The following SYNE2 variants were observed in gnomAD, a reference collection of about 807,000 sequenced individuals.
SYNE2 encodes the protein nesprin-2.
Under a neutral mutation model 856.3 loss-of-function variants are expected in SYNE2, and 431 were observed. The ratio of observed to expected loss-of-function variants is 0.50; its 90% CI spans 0.47 to 0.55. The LOEUF (loss-of-function observed/expected upper bound fraction) is 0.55. Ranked by LOEUF, SYNE2 falls within the 20% of genes least tolerant of loss-of-function variation. The pLI is 0.00. For missense variants in SYNE2, 8,129 were observed against 8,023.2 expected (o/e 1.01, Z -0.50); for synonymous variants, 2,923 against 2,872.3 (o/e 1.02, Z -0.56).
In SYNE2 at chr14:63,941,709, A is replaced by G. The variant is rs1476136075; in HGVS notation, c.156A>G (p.Ser52=). ...ACCTTCTGCAGCACACTTCTCCCTC[A>G]GTTATATCCGACCTATTCACAGACA... is the stretch of plus-strand genomic sequence containing the variant. ...NSQLARHTSP[S]VISDLFTDIK... The change falls in exon 4 of 116, where the codon TCA becomes TCG. Residue 52 remains serine, a synonymous_variant. Coordinates refer to ENST00000555002, the MANE Select transcript of SYNE2 (RefSeq NM_182914.3). 3 of 1,614,048 alleles carry G rather than the reference A, an allele frequency of 1.9e-6. No homozygotes were observed. The highest frequency in any genetic ancestry group is 2.5e-6 in the Non-Finnish European group (3 of 1,179,930).
chr14:64,186,364 T>A, intron 96 of SYNE2, 60 bp from the exon 97 acceptor site: 1 of 1,607,870 alleles, frequency 6.2e-7, no homozygotes, highest in Non-Finnish European at 8.5e-7. Context: ...GCCTACAGGT[T>A]TGGAAACAAC....
At position 64,218,202 on chromosome 14, in the gene SYNE2, G is replaced by A. The variant is rs2098676013; in HGVS notation, c.19543-196G>A. The A allele has an allele frequency of 5.3e-6, 3 of 568,110 alleles. No homozygotes were observed. In the South Asian group the frequency reaches 5.6e-5, roughly 11 times the overall value. 35.2% of individuals were successfully genotyped at this position (568,110 alleles called of 1,614,324 possible). ...TCCCTCTCCCTGGGCCTTAGCTGAG[G>A]CTTTATTTCTGCCATCAGCTTTGCC... On this transcript the variant is annotated intron_variant, in intron 108 of 115. Transcript: ENST00000555002.
chr14:64,035,451 A>C (rs966569804), intron 45 of SYNE2, among the ~76,000 whole-genome samples: 5 of 150,996 alleles, frequency 3.3e-5, no homozygotes, highest in African/African-American at 9.7e-5. Flanking sequence ...CTTGCATCTT[A>C]CTGTAGAGGT....
chr14:63,863,229 T>A (rs1188634005), intron 1 of SYNE2, among the ~76,000 whole-genome samples: 1 of 152,240 alleles, frequency 6.6e-6, no homozygotes, highest in Non-Finnish European at 1.5e-5. Flanking sequence ...TCCGTTCGTC[T>A]TAGTCAATGT....
intron 45 of SYNE2, among the ~76,000 whole-genome samples, chr14:64,046,580 T>A (rs1267400165): frequency 6.6e-6 from 1 of 152,186 alleles, no homozygotes; most frequent in African/African-American, 2.4e-5. Context: ...CTCCTTGAAC[T>A]TCTGGGATCA....
chr14:63,869,352 A>G (rs188269199), intron 1 of SYNE2, among the ~76,000 whole-genome samples: 1 of 152,132 alleles, frequency 6.6e-6, no homozygotes, highest in African/African-American at 2.4e-5. Flanking sequence ...CCAGCCAGGC[A>G]TGGTGGCTCA....
chr14:63,980,968 G>C lies in SYNE2; in HGVS notation c.1649-18G>C. On this transcript the variant is annotated intron_variant, in intron 15 of 115. Coordinates refer to ENST00000555002, the MANE Select transcript of SYNE2 (RefSeq NM_182914.3). Reference sequence around the variant, plus strand: ...AATTGTTTTCTAAGATTACTTTTTTGTTTTGTTAATATTGTAGCTGGAGAA... The same window carrying C: ...AATTGTTTTCTAAGATTACTTTTTTCTTTTGTTAATATTGTAGCTGGAGAA... The C allele has an allele frequency of 6.7e-7, 1 of 1,501,008 alleles. No individual in the cohort carries two copies. Among genetic ancestry groups the C allele is most frequent in the Non-Finnish European group, 9.1e-7 (1 of 1,094,160 alleles). 93.0% of individuals were successfully genotyped at this position (1,501,008 alleles called of 1,614,324 possible).
At chr14:64,179,764 A>G (rs187284392) in intron 96 of SYNE2, among the ~76,000 whole-genome samples, 76 of 152,076 alleles carry the variant, frequency 5.0e-4, no homozygotes, top group Non-Finnish European at 6.8e-4. Context: ...GGAGCTGCTT[A>G]TTTATTCTAA....
chr14:63,878,400 G>T (rs1323381071), intron 1 of SYNE2, among the ~76,000 whole-genome samples: 9 of 152,304 alleles, frequency 5.9e-5, no homozygotes, highest in African/African-American at 1.7e-4. Flanking sequence ...GGGAGGATTG[G>T]TTGATTGTCT....
chr14:64,114,712 G>A (rs2097841489), intron 66 of SYNE2, among the ~76,000 whole-genome samples: 1 of 151,678 alleles, frequency 6.6e-6, no homozygotes, highest in African/African-American at 2.4e-5. Context: ...CGACTTCCTG[G>A]GCTCAGGTGA....
At chr14:64,105,063 G>T (rs1215642119) in intron 64 of SYNE2, among the ~76,000 whole-genome samples, 1 of 152,098 alleles carries the variant, frequency 6.6e-6, no homozygotes, top group African/African-American at 2.4e-5. Flanking sequence ...CATCCTGTCA[G>T]TGGCCAATGA....
At chr14:64,100,135 G>A (rs1010181012) in intron 63 of SYNE2, 1 of 151,888 alleles carries the variant, frequency 6.6e-6, no homozygotes, top group East Asian at 1.9e-4. Flanking sequence ...ATACACCATG[G>A]AATACTATGC....
At chr14:63,847,319 T>G (rs1254981839) in intron 1 of SYNE2, among the ~76,000 whole-genome samples, 1 of 151,610 alleles carries the variant, frequency 6.6e-6, no homozygotes, top group Non-Finnish European at 1.5e-5. Context: ...TTGGGTGTGG[T>G]GGCATGTGCC....
chr14:64,085,186 C>T (rs773634730), intron 57 of SYNE2: 1 of 543,784 alleles, frequency 1.8e-6, no homozygotes, highest in Non-Finnish European at 3.3e-6. Context: ...GTTCCTCCCA[C>T]CTTAGCCTCC....
intron 52 of SYNE2, among the ~76,000 whole-genome samples, chr14:64,071,618 TTAAA>T (rs1236627814): frequency 6.6e-6 from 1 of 152,272 alleles, no homozygotes; most frequent in Non-Finnish European, 1.5e-5. Context: ...GATTTTGTTT[TTAAA>T]TAAATAGAGA....
At chr14:63,803,273 A>C (rs928204761) in intron 1 of SYNE2, among the ~76,000 whole-genome samples, 1 of 152,150 alleles carries the variant, frequency 6.6e-6, no homozygotes, top group Non-Finnish European at 1.5e-5. Context: ...CGCACTCCTC[A>C]GCCTTTGGGT....
At position 64,052,053 on chromosome 14, in the gene SYNE2, G is replaced by A; in HGVS notation, c.8140G>A (p.Glu2714Lys). ...AATAAATAACTTGAAGAAACAATGG[G>A]AAACATTGGAGCCATTACACTTAGA... ...DGINNLKKQW[E>K]TLEPLHLEAE... is the part of the protein sequence containing the mutation. Residue 2714 changes from glutamate to lysine, a missense_variant, in exon 48 of 116, where the codon GAA (glutamate) becomes AAA (lysine). By Grantham distance (56) the Glu-to-Lys change is moderately conservative. This residue lies in a region of SYNE2 where 5,410 missense variants were observed against 5,284.8 expected (regional missense o/e 1.02). Transcript: ENST00000555002. 8 of 1,613,960 alleles carry A rather than the reference G, an allele frequency of 5.0e-6. No individual in the cohort carries two copies. The South Asian group carries it at 8.8e-5, about 18-fold the overall frequency.
rs777663838 is a variant in SYNE2, at chr14:63,976,672, C to T, written c.1238C>T (p.Ser413Phe). 3.1e-6 allele frequency: 5 copies of T among 1,612,400 alleles called. 1 individual carries two copies. Among genetic ancestry groups the T allele is most frequent in the South Asian group, 2.2e-5 (2 of 91,012 alleles). Residue 413 changes from serine (S) to phenylalanine (F), a missense_variant, in exon 12 of 116, where the codon TCC becomes TTC. By Grantham distance (155) the Ser-to-Phe change is radical. Around this residue, in one of 3 missense-constraint regions of SYNE2, gnomAD observed 2,422 missense variants for 2,357.4 expected, o/e 1.03. Transcript: ENST00000555002. Reference sequence around the variant, plus strand: ...CTTATGGATGAAGATTTGTCAGCCTCCCAGGATCACTCTCAAGCCGTGACT... The same window carrying T: ...CTTATGGATGAAGATTTGTCAGCCTTCCAGGATCACTCTCAAGCCGTGACT... The part of the protein sequence containing the change: ...EELMDEDLSA[S>F]QDHSQAVTLI...
intron 94 of SYNE2, among the ~76,000 whole-genome samples, chr14:64,172,876 A>G (rs1397290677): frequency 6.6e-6 from 1 of 152,022 alleles, no homozygotes; most frequent in Non-Finnish European, 1.5e-5. Context: ...TTGAGGCTGC[A>G]ACGAGCCATG....
Sources: gnomAD v4.1 joint callset for allele counts (sites outside exome capture counted in the v4.1 genomes callset) on GRCh38, gnomAD v4.1.1 for gene constraint, gnomAD v4.1.1 regional missense constraint, MANE v1.5 for transcripts, NCBI Gene and HGNC (gene_info 2026-07-23, HGNC 2026-07-21) for gene names.